Variants in STXBP5L observed in about 807,000 individuals in gnomAD.
STXBP5L encodes the protein syntaxin binding protein 5L.
STXBP5L carries 65 observed loss-of-function variants against 144.5 expected under a neutral mutation model. That is an observed-to-expected ratio of 0.45 (90% CI 0.37 to 0.55). STXBP5L has a LOEUF of 0.55. Among genes scored for constraint, STXBP5L ranks in the 20% least tolerant of loss-of-function variants. STXBP5L has a pLI of 0.00. For synonymous variants in STXBP5L, 505 were observed against 469.6 expected (o/e 1.08, Z -0.97); for missense variants, 1,298 against 1,405.5 (o/e 0.92, Z 1.22).
chr3:121,233,400 TTTTAA>T (rs1233865679), intron 11 of STXBP5L, among the ~76,000 whole-genome samples: 1 of 152,198 alleles, frequency 6.6e-6, no homozygotes, highest in African/African-American at 2.4e-5. Flanking sequence ...ACTATGCTAC[TTTTAA>T]TTTTTTTCTT....
intron 5 of STXBP5L, among the ~76,000 whole-genome samples, chr3:121,060,689 G>T (rs543520676): frequency 6.9e-4 from 105 of 152,260 alleles, no homozygotes; most frequent in Non-Finnish European, 1.2e-3. Context: ...CTTCTTCCTA[G>T]TTTAGACTTG....
At chr3:121,012,603 T>C (rs1169110800) in intron 3 of STXBP5L, among the ~76,000 whole-genome samples, 9 of 151,998 alleles carry the variant, frequency 5.9e-5, no homozygotes, top group African/African-American at 1.9e-4. Context: ...TTTTCATGCA[T>C]TTATTGTCAG....
rs2043829347 is a variant in STXBP5L, at chr3:121,108,675, T to G, written c.471-6250T>G. ...CATCAGGATATTGGCCTGAAGTTTC[T>G]TTTTTAGTTGTATCTCTGCCAGGTT... On this transcript the variant is annotated intron_variant, in intron 5 of 26. Transcript: ENST00000471454. Among the ~76,000 whole-genome samples the G allele has an allele frequency of 2.0e-5, 3 of 152,138 alleles. No individual in the cohort carries two copies. The South Asian group carries it at 6.2e-4, about 31-fold the overall frequency.
chr3:121,298,348 C>T (rs2051743077), intron 19 of STXBP5L, among the ~76,000 whole-genome samples: 1 of 152,126 alleles, frequency 6.6e-6, no homozygotes, highest in Non-Finnish European at 1.5e-5. Flanking sequence ...AAAAATTAAA[C>T]ATAAGACCTA....
intron 3 of STXBP5L, among the ~76,000 whole-genome samples, chr3:120,992,985 T>C (rs1943049364): frequency 6.6e-6 from 1 of 152,172 alleles, no homozygotes; most frequent in Non-Finnish European, 1.5e-5. Context: ...TTTTTGATAA[T>C]AGACATTTTA....
At position 121,051,915 on chromosome 3, in the gene STXBP5L, G is replaced by A. The variant is rs188638891; in HGVS notation, c.470+6380G>A. 9.9e-5 allele frequency among the ~76,000 whole-genome samples: 15 copies of A among 152,074 alleles called. No homozygotes were observed. In the South Asian group the frequency reaches 1.0e-3, roughly 11 times the overall value. ...AAATGATAAAGGGGATATCACCACCGATCCCACAGAAATACCATCAGAGAA... is the reference window on the plus strand; with the variant it reads ...AAATGATAAAGGGGATATCACCACCAATCCCACAGAAATACCATCAGAGAA... On this transcript the variant is annotated intron_variant, in intron 5 of 26. Transcript: ENST00000471454.
intron 3 of STXBP5L, among the ~76,000 whole-genome samples, chr3:121,020,290 T>C (rs982929005): frequency 1.3e-5 from 2 of 152,128 alleles, no homozygotes; most frequent in African/African-American, 2.4e-5. Flanking sequence ...CCGAAAAATA[T>C]TGGTGTTCCC....
chr3:121,093,965 C>A (rs925055817), intron 5 of STXBP5L, among the ~76,000 whole-genome samples: 1 of 151,890 alleles, frequency 6.6e-6, no homozygotes, highest in Non-Finnish European at 1.5e-5. Flanking sequence ...GATTCTGGTA[C>A]GTTGTGTCTT....
chr3:121,160,183 A>G (rs2046270012), intron 9 of STXBP5L, among the ~76,000 whole-genome samples: 1 of 152,186 alleles, frequency 6.6e-6, no homozygotes. Flanking sequence ...GTCTAGTGCT[A>G]TCAATTGCTG....
Position 121,197,487 on chromosome 3 carries a change from C to CTATT in STXBP5L, c.878-8421_878-8418dup, listed in dbSNP as rs564068067. Among the ~76,000 whole-genome samples, 662 of 151,864 alleles carry CTATT rather than the reference C, an allele frequency of 4.4e-3. 7 individuals carry two copies. Among genetic ancestry groups the CTATT allele is most frequent in the African/African-American group, 0.015 (619 of 41,410 alleles). On this transcript the variant is annotated intron_variant, in intron 9 of 26. Transcript: ENST00000471454. Reference sequence around the variant, plus strand: ...TGAATATTTTTAAAAAATTTAATTTCTATTTATTTATTTATTTACTTTAAG... The same window carrying CTATT: ...TGAATATTTTTAAAAAATTTAATTTCTATTTATTTATTTATTTATTTACTTTAAG...
In STXBP5L at chr3:121,263,802, A is replaced by G. The variant is rs187659870; in HGVS notation, c.1958+4634A>G. On this transcript the variant is annotated intron_variant, in intron 18 of 26. Coordinates refer to ENST00000471454, the MANE Select transcript of STXBP5L (RefSeq NM_001308330.2). ...GGAATGAACAAAGCCTCCAAGAAAT[A>G]TGGGACTATGTGAAAAGACCAAACC... Among the ~76,000 whole-genome samples, 32 of 152,300 alleles carry G rather than the reference A, an allele frequency of 2.1e-4. No individual in the cohort carries two copies. The East Asian group carries it at 6.0e-3, about 28-fold the overall frequency.
At chr3:121,314,428 C>A (rs1467016194) in intron 19 of STXBP5L, among the ~76,000 whole-genome samples, 3 of 137,214 alleles carry the variant, frequency 2.2e-5, no homozygotes. Context: ...CCCGTCTCCA[C>A]CAAAAAAAAA....
chr3:121,264,402 C>T (rs2108400267), intron 18 of STXBP5L, among the ~76,000 whole-genome samples: 1 of 152,078 alleles, frequency 6.6e-6, no homozygotes, highest in East Asian at 1.9e-4. Flanking sequence ...ACAAAGTAAA[C>T]ATACCCATTC....
intron 2 of STXBP5L, among the ~76,000 whole-genome samples, chr3:120,915,085 G>T (rs563577793): frequency 1.7e-4 from 26 of 152,192 alleles, no homozygotes; most frequent in Admixed American, 6.5e-4. Context: ...CAGCAAATTG[G>T]GTTGTTGGTC....
At chr3:121,413,037 TA>T in intron 23 of STXBP5L, 120 bp from the exon 24 acceptor site, 2 of 875,906 alleles carry the variant, frequency 2.3e-6, no homozygotes, top group African/African-American at 1.8e-5. Flanking sequence ...CAAAAAAATA[TA>T]AAAATAAAAA....
At chr3:121,089,609 C>T (rs6785984) in intron 5 of STXBP5L, among the ~76,000 whole-genome samples, 15,048 of 151,474 alleles carry the variant, frequency 0.099, 1,176 homozygotes, top group Admixed American at 0.2. Context: ...GGGTTTATTC[C>T]GTTTAGTTTT....
intron 3 of STXBP5L, among the ~76,000 whole-genome samples, chr3:120,977,990 T>C (rs1489641260): frequency 6.6e-6 from 1 of 152,244 alleles, no homozygotes; most frequent in African/African-American, 2.4e-5. Flanking sequence ...TTTTCCTTCA[T>C]TTCAACTTTG....
At chr3:121,383,903 A>G (rs1191402225) in intron 22 of STXBP5L, among the ~76,000 whole-genome samples, 2 of 152,148 alleles carry the variant, frequency 1.3e-5, no homozygotes, top group Non-Finnish European at 2.9e-5. Flanking sequence ...TATGGGAACC[A>G]TTAAAGAAGG....
intron 15 of STXBP5L, 150 bp from the exon 16 acceptor site, chr3:121,254,745 C>T (rs1027992111): frequency 9.6e-5 from 61 of 637,978 alleles, no homozygotes; most frequent in Middle Eastern, 4.3e-4. Flanking sequence ...GATATGAAAG[C>T]GTGGCATTGA....
Sources: gnomAD v4.1 joint callset for allele counts (sites outside exome capture counted in the v4.1 genomes callset) on GRCh38, gnomAD v4.1.1 for gene constraint, MANE v1.5 for transcripts, NCBI Gene and HGNC (gene_info 2026-07-23, HGNC 2026-07-21) for gene names.